Variants in PFKFB2 observed in about 807,000 individuals in gnomAD.
PFKFB2 encodes 6-phosphofructo-2-kinase/fructose-2,6-bisphosphatase 2.
PFKFB2 carries 53 observed loss-of-function variants against 68.0 expected under a neutral mutation model. That is an observed-to-expected ratio of 0.78 (90% CI 0.63 to 0.98). The LOEUF (loss-of-function observed/expected upper bound fraction) is 0.98. Ranked by LOEUF, PFKFB2 falls within the 50% of genes least tolerant of loss-of-function variation. The probability of loss-of-function intolerance (pLI) is 0.00; values close to 1 mark genes in which losing one functional copy is unlikely to be tolerated. For synonymous variants in PFKFB2, 222 were observed against 227.6 expected, an observed-to-expected ratio of 0.98 and a Z score of 0.22; for missense variants, 451 against 642.0, an observed-to-expected ratio of 0.70 and a Z score of 3.22.
downstream of PFKFB2, chr1:207,077,853 A>C (rs902818142): frequency 1.0e-6 from 1 of 969,324 alleles, no homozygotes. Flanking sequence ...TAGTATTTTC[A>C]GTTGTGTTTC....
In PFKFB2 at chr1:207,076,579, T is replaced by C. The variant is rs974400107; in HGVS notation, c.*4208T>C. Reference sequence around the variant, plus strand: ...GTCAGAATTGTGTCCAGGGATTTAATTTAGACCCATACTGTCCAGGAGACT... The same window carrying C: ...GTCAGAATTGTGTCCAGGGATTTAACTTAGACCCATACTGTCCAGGAGACT... On this transcript the variant is annotated 3_prime_UTR_variant, in exon 15 of 15. Transcript: ENST00000367080. 4.1e-5 allele frequency: 38 copies of C among 934,170 alleles called. No homozygotes were observed. In the African/African-American group the frequency reaches 6.7e-4, roughly 16 times the overall value. The allele number at this position is 934,170 out of a possible 1,614,324, so 57.9% of individuals were successfully genotyped here.
chr1:207,078,774 C>T (rs192640678), downstream of PFKFB2, among the ~76,000 whole-genome samples: 76 of 152,244 alleles, frequency 5.0e-4, no homozygotes, highest in African/African-American at 1.7e-3. Flanking sequence ...ACCATGACTA[C>T]GCCATTCGGG....
rs1683168112 is a variant in PFKFB2, at chr1:207,063,191, G to A, written c.357G>A (p.Glu119=). The change falls in exon 5 of 15, where the codon GAG becomes GAA. Residue 119 remains glutamate, a synonymous_variant. Transcript: ENST00000367080. This position sits in a 1 kb window ranked among gnomAD's most constrained non-coding sequence, Gnocchi z 4.1. ...AAGATGTTAAGGCGTATCTCACTGA[G>A]GAGAATGGTCAGATTGCGGTAAGCT... is the stretch of plus-strand genomic sequence containing the variant. ...ALEDVKAYLT[E]ENGQIAVFDA... 5 of 1,613,928 alleles carry A rather than the reference G, an allele frequency of 3.1e-6. No individual in the cohort carries two copies. In the South Asian group the frequency reaches 5.5e-5, roughly 18 times the overall value.
At position 207,044,006 on chromosome 1, in the gene PFKFB2, C is replaced by T. The variant is rs186984695; in HGVS notation, c.-18+1794C>T. On this transcript the variant is annotated intron_variant, in intron 2 of 5. Transcript: ENST00000545806. ...ATGAAGTTAGACATCTTCCAGGTAG[C>T]AGCAGTGTATTACTTCAAAAAATGC... 2.7e-3 allele frequency: 412 copies of T among 152,672 alleles called. 3 individuals are homozygous for T. The highest frequency in any genetic ancestry group is 5.3e-3 in the Admixed American group (81 of 15,292). The allele number at this position is 152,672 out of a possible 1,614,324, so 9.5% of individuals were successfully genotyped here.
At chr1:207,045,539 G>T (rs967841448) in intron 2 of PFKFB2, 3 of 151,416 alleles carry the variant, frequency 2.0e-5, no homozygotes, top group Non-Finnish European at 4.4e-5. Context: ...AAACAAATGT[G>T]TCTCCACACA....
chr1:207,070,594 C>T lies in PFKFB2; in HGVS notation c.1222+185C>T, dbSNP rs144799602. 17 of 591,092 alleles carry T rather than the reference C, an allele frequency of 2.9e-5. No homozygotes were observed. Among genetic ancestry groups the T allele is most frequent in the East Asian group, 1.7e-4 (5 of 30,048 alleles). 36.6% of individuals were successfully genotyped at this position (591,092 alleles called of 1,614,324 possible). Reference sequence around the variant, plus strand: ...ACTTGCTGAGTTCACTCTGCTGCTACGAAAGCTTCCAATGGAGAGTGGCTG... The same window carrying T: ...ACTTGCTGAGTTCACTCTGCTGCTATGAAAGCTTCCAATGGAGAGTGGCTG... On this transcript the variant is annotated intron_variant, in intron 12 of 14. Transcript: ENST00000367080. The surrounding 1 kb of genome is among the most constrained non-coding windows in gnomAD (Gnocchi z 4.2).
chr1:207,058,251 G>T (rs1049188618), intron 2 of PFKFB2, among the ~76,000 whole-genome samples: 1 of 152,202 alleles, frequency 6.6e-6, no homozygotes, highest in East Asian at 1.9e-4. Context: ...TGTCACTAAT[G>T]AAACATGCTT....
rs74148941 is a variant in PFKFB2, at chr1:207,039,643, A to T, written c.-61-2526A>T. Among the ~76,000 whole-genome samples, 376 of 151,750 alleles carry T rather than the reference A, an allele frequency of 2.5e-3. 4 individuals are homozygous for T. Among genetic ancestry groups the T allele is most frequent in the South Asian group, 7.1e-3 (34 of 4,760 alleles). ...TGATATTTCCAAGATTACATGTTTT[A>T]AAAAAAAACCCCACGCTTTTATGGT... On this transcript the variant is annotated intron_variant, in intron 1 of 5. Transcript: ENST00000545806.
chr1:207,068,110 G>GTGTGTGTGTGTA (rs751494160), intron 9 of PFKFB2, 53 bp from the exon 10 acceptor site: 4 of 1,448,632 alleles, frequency 2.8e-6, no homozygotes, highest in South Asian at 2.5e-5. Context: ...GTGTGTGTGT[G>GTGTGTGTGTGTA]TGTGTGTCTG....
upstream of PFKFB2, chr1:207,052,418 T>G: frequency 1.9e-6 from 1 of 527,942 alleles, no homozygotes; most frequent in Non-Finnish European, 3.4e-6. Flanking sequence ...TCCCAGCACT[T>G]TGGGAGGCCG....
rs577539094 is a variant in PFKFB2 at position 207,077,099 on chromosome 1, C to T, written c.*4728C>T. Reference sequence around the variant, plus strand: ...TTTTGTGAACTCAGCTAAGGGAATGCCTGTTCAGAGCCTGGAGTTGTTACC... The same window carrying T: ...TTTTGTGAACTCAGCTAAGGGAATGTCTGTTCAGAGCCTGGAGTTGTTACC... On this transcript the variant is annotated 3_prime_UTR_variant, in exon 15 of 15. Transcript: ENST00000367080. 1.3e-5 allele frequency: 13 copies of T among 984,602 alleles called. No individual in the cohort carries two copies. In the African/African-American group the frequency reaches 2.1e-4, roughly 16 times the overall value. 61.0% of individuals were successfully genotyped at this position (984,602 alleles called of 1,614,324 possible).
intron 2 of PFKFB2, chr1:207,047,501 T>C (rs922664975): frequency 6.6e-6 from 1 of 152,630 alleles, no homozygotes; most frequent in African/African-American, 2.4e-5. Context: ...TACCACTGAA[T>C]TTCTAAGTGA....
At chr1:207,037,274 A>G (rs1040034011) in intron 1 of PFKFB2, among the ~76,000 whole-genome samples, 1 of 152,206 alleles carries the variant, frequency 6.6e-6, no homozygotes, top group Non-Finnish European at 1.5e-5. Flanking sequence ...ATTCCATGAC[A>G]TAAAGTTCTC....
intron 2 of PFKFB2, among the ~76,000 whole-genome samples, chr1:207,056,566 G>A (rs1471065533): frequency 6.6e-6 from 1 of 151,712 alleles, no homozygotes; most frequent in Non-Finnish European, 1.5e-5. Context: ...TAACTCTTCT[G>A]TAGTTCCTTT....
chr1:207,050,659 T>C (rs760796860), upstream of PFKFB2: 4 of 1,609,752 alleles, frequency 2.5e-6, no homozygotes, highest in African/African-American at 2.7e-5. Context: ...CTCCCGGGAC[T>C]TTCCCTGGCC....
At chr1:207,048,083 G>A (rs961563948) in intron 2 of PFKFB2, 5 of 152,374 alleles carry the variant, frequency 3.3e-5, no homozygotes, top group South Asian at 2.1e-4. Flanking sequence ...TAAACTTTAC[G>A]CAAATGAAGA....
At chr1:207,053,936 G>T (rs1682836121) in intron 1 of PFKFB2, among the ~76,000 whole-genome samples, 1 of 118,734 alleles carries the variant, frequency 8.4e-6, no homozygotes, top group East Asian at 2.3e-4. Flanking sequence ...ACAGAGTCTC[G>T]CTCTGTCGCT....
At chr1:207,058,267 G>A (rs752603339) in intron 2 of PFKFB2, among the ~76,000 whole-genome samples, 1 of 152,234 alleles carries the variant, frequency 6.6e-6, no homozygotes, top group African/African-American at 2.4e-5. Context: ...TGCTTTATGG[G>A]CAGCATATTT....
upstream of PFKFB2, chr1:207,050,873 G>C: frequency 6.2e-7 from 1 of 1,609,954 alleles, no homozygotes; most frequent in Non-Finnish European, 8.5e-7. Context: ...GCCGTCCTTG[G>C]CCTTGCAGCG....
Sources: allele counts gnomAD v4.1 joint callset (sites outside exome capture counted in the v4.1 genomes callset), GRCh38; gene constraint gnomAD v4.1.1; non-coding constraint Gnocchi (gnomAD v3.1); transcripts MANE v1.5; gene names NCBI Gene and HGNC (gene_info 2026-07-23, HGNC 2026-07-21).